Variants in SVEP1 observed in about 807,000 individuals in gnomAD.
SVEP1 encodes the protein sushi, von Willebrand factor type A, EGF and pentraxin domain-containing protein 1.
In SVEP1, 164 loss-of-function variants were observed where a neutral mutation model predicts 367.3. The ratio of observed to expected loss-of-function variants is 0.45; its 90% CI spans 0.39 to 0.51. SVEP1 has a LOEUF of 0.51. Among genes scored for constraint, SVEP1 ranks in the 20% least tolerant of loss-of-function variants. The pLI, the probability that SVEP1 is intolerant of heterozygous loss-of-function variation, is 0.00. For synonymous variants in SVEP1, 1,666 were observed against 1,611.6 expected, an observed-to-expected ratio of 1.03 and a Z score of -0.81; for missense variants, 4,117 against 4,425.3, an observed-to-expected ratio of 0.93 and a Z score of 1.98.
chr9:110,500,158 C>T (rs571930733), intron 6 of SVEP1, among the ~76,000 whole-genome samples: 2 of 151,026 alleles, frequency 1.3e-5, no homozygotes, highest in South Asian at 4.2e-4. Context: ...AATTTCTTTC[C>T]AAACTGTGCC....
intron 36 of SVEP1, among the ~76,000 whole-genome samples, chr9:110,413,470 A>C (rs1828074912): frequency 6.6e-6 from 1 of 151,286 alleles, no homozygotes; most frequent in African/African-American, 2.4e-5. Context: ...GCAGTGCACC[A>C]GCATGGCACA....
At chr9:110,577,742 A>AG (rs1365852572) in intron 1 of SVEP1, among the ~76,000 whole-genome samples, 1 of 152,092 alleles carries the variant, frequency 6.6e-6, no homozygotes, top group African/African-American at 2.4e-5. Flanking sequence ...CAAATCATTA[A>AG]GAAAAAAAAA....
At position 110,369,963 on chromosome 9, in the gene SVEP1, A is replaced by T. The variant is rs757217328; in HGVS notation, c.10654T>A (p.Cys3552Ser). Residue 3552 changes from cysteine to serine, a missense_variant, in exon 47 of 48, where the codon TGT (cysteine) becomes AGT (serine). Physicochemically the swap from Cys to Ser is moderately radical, Grantham distance 112. This residue lies in a region of SVEP1 where 1,765 missense variants were observed against 1,781.1 expected (regional missense o/e 0.99). Transcript: ENST00000374469. ...CCCGTCCAAGAAGAAAGACAGTGAC[A>T]TCGGTTTGGTCTTACACATTTTCCA... ...NGGKCVRPNR[C>S]HCLSSWTGHN... is the part of the protein sequence containing the mutation. 18 of 1,613,428 alleles carry T rather than the reference A, an allele frequency of 1.1e-5. No individual in the cohort carries two copies. The highest frequency in any genetic ancestry group is 1.4e-5 in the Non-Finnish European group (17 of 1,179,596).
Position 110,446,979 on chromosome 9 carries a change from A to G in SVEP1, c.4182T>C (p.Asn1394=), listed in dbSNP as rs777170300. 6.5e-7 allele frequency: 1 copy of G among 1,547,318 alleles called. No individual in the cohort carries two copies. The highest frequency in any genetic ancestry group is 8.7e-7 in the Non-Finnish European group (1 of 1,145,490). ...INECQSNPCR[N]QATCVDELNS... Reference sequence around the variant, plus strand: ...TTAATTCATCCACACAGGTGGCCTGATTTCTACATGGATTAGACTGACATT... The same window carrying G: ...TTAATTCATCCACACAGGTGGCCTGGTTTCTACATGGATTAGACTGACATT... The change falls in exon 25 of 48, where the codon AAT becomes AAC. Residue 1394 remains asparagine (N), a synonymous_variant. Coordinates refer to ENST00000374469, the MANE Select transcript of SVEP1 (RefSeq NM_153366.4).
At chr9:110,540,878 T>C (rs1830135889) in intron 3 of SVEP1, among the ~76,000 whole-genome samples, 2 of 152,204 alleles carry the variant, frequency 1.3e-5, no homozygotes, top group African/African-American at 4.8e-5. Flanking sequence ...GTGGCGTTCA[T>C]TTCAAGGGAA....
Position 110,411,471 on chromosome 9 carries a change from A to G in SVEP1, c.6240T>C (p.Ala2080=). The G allele has an allele frequency of 1.2e-6, 2 of 1,614,010 alleles. No individual in the cohort carries two copies. The highest frequency in any genetic ancestry group is 1.1e-5 in the South Asian group (1 of 91,082). ...CCGATGGAGGTTTTTCACAGAAATG[A>G]GCTATACAACGGGGCATGTCTTGAC... ...PEGQDMPRCI[A]HFCEKPPSVS... Residue 2080 remains alanine, a synonymous_variant, in exon 37 of 48, where the codon GCT becomes GCC. Transcript: ENST00000374469.
At chr9:110,562,850 C>T (rs183953703) in intron 1 of SVEP1, among the ~76,000 whole-genome samples, 3 of 152,152 alleles carry the variant, frequency 2.0e-5, no homozygotes, top group African/African-American at 4.8e-5. Flanking sequence ...CCACCGCACC[C>T]GGCCAATTTT....
In SVEP1 at chr9:110,406,779, T is replaced by C; in HGVS notation, c.8821A>G (p.Ile2941Val). ...CQSDGNWDAE[I>V]PLCKPVNCGP... ...CAGTTGACTGGTTTACAGAGAGGAA[T>C]CTCTGCATCCCAGTTGCCATCTGAC... is the stretch of plus-strand genomic sequence containing the variant. Residue 2941 changes from isoleucine to valine, a missense_variant, in exon 38 of 48, where the codon ATT (isoleucine) becomes GTT (valine). Around this residue, in one of 4 missense-constraint regions of SVEP1, gnomAD observed 1,765 missense variants for 1,781.1 expected, o/e 0.99. Coordinates refer to ENST00000374469, the MANE Select transcript of SVEP1 (RefSeq NM_153366.4). The C allele has an allele frequency of 1.9e-6, 3 of 1,613,988 alleles. No individual in the cohort carries two copies. The highest frequency in any genetic ancestry group is 2.5e-6 in the Non-Finnish European group (3 of 1,179,874).
Position 110,429,927 on chromosome 9 carries a change from T to A in SVEP1, c.5608A>T (p.Thr1870Ser). ...TTAATCTTAGATACTTACCTATATG[T>A]CACTTTGCTGCCAAAAGTAAATGCT... ...ELAFTFGSKV[T>S]YRCNKGYTLA... Residue 1870 changes from threonine (T) to serine (S), a missense_variant, in exon 34 of 48, where the codon ACA (threonine) becomes TCA (serine). By Grantham distance (58) the Thr-to-Ser change is moderately conservative. Coordinates refer to ENST00000374469, the MANE Select transcript of SVEP1 (RefSeq NM_153366.4). 1 of 1,612,730 alleles carries A rather than the reference T, an allele frequency of 6.2e-7. No individual in the cohort carries two copies.
intron 1 of SVEP1, among the ~76,000 whole-genome samples, chr9:110,554,645 T>C (rs1830333413): frequency 1.3e-5 from 2 of 152,116 alleles, no homozygotes; most frequent in Non-Finnish European, 2.9e-5. Context: ...ATAAAGGTCA[T>C]TTTGAGTATC....
rs189377539 is a variant in SVEP1, at chr9:110,501,510, G to A, written c.1483+1528C>T. Among the ~76,000 whole-genome samples the A allele has an allele frequency of 9.8e-4, 148 of 151,562 alleles. No homozygotes were observed. The Middle Eastern group carries it at 0.014, about 14-fold the overall frequency. On this transcript the variant is annotated intron_variant, in intron 6 of 47. Coordinates refer to ENST00000374469, the MANE Select transcript of SVEP1 (RefSeq NM_153366.4). The stretch of plus-strand genomic sequence containing the variant: ...GTAGATTCATTCTATTTTGTTGTGG[G>A]GGGGGCAGGCTTGTAGTCTACAAAT...
In SVEP1 at chr9:110,417,156, C is replaced by G. The variant is rs955300104; in HGVS notation, c.5976-5421G>C. The stretch of plus-strand genomic sequence containing the variant: ...AACAGCTCCGGTCTACAGCTCCCAG[C>G]GTGAGCGACGCAGAAGACGGGTGAT... On this transcript the variant is annotated intron_variant, in intron 36 of 47. Transcript: ENST00000374469. Among the ~76,000 whole-genome samples, 15 of 151,566 alleles carry G rather than the reference C, an allele frequency of 9.9e-5. 1 individual carries two copies. Among genetic ancestry groups the G allele is most frequent in the African/African-American group, 3.7e-4 (15 of 41,036 alleles).
chr9:110,472,719 G>T (rs757560777), intron 14 of SVEP1, among the ~76,000 whole-genome samples: 15 of 151,914 alleles, frequency 9.9e-5, no homozygotes, highest in Non-Finnish European at 2.1e-4. Context: ...TTTTAAAATT[G>T]ACCTTAAAAC....
Position 110,424,462 on chromosome 9 carries a change from G to A in SVEP1, c.5975+3129C>T, listed in dbSNP as rs556345069. Among the ~76,000 whole-genome samples the A allele has an allele frequency of 7.2e-5, 11 of 152,192 alleles. No individual in the cohort carries two copies. In the East Asian group the frequency reaches 2.1e-3, roughly 29 times the overall value. On this transcript the variant is annotated intron_variant, in intron 36 of 47. Coordinates refer to ENST00000374469, the MANE Select transcript of SVEP1 (RefSeq NM_153366.4). ...ATTAATAGGATATTTGTTTATGGGG[G>A]AATATGTATTTAATAAAGACAAATA...
At position 110,401,024 on chromosome 9, in the gene SVEP1, A is replaced by G; in HGVS notation, c.9667-15T>C. Reference sequence around the variant, plus strand: ...GTTCCATCAAGCTAAGTGACAAATAACAAAATGTAAGTTATGTTTAGAAGT... The same window carrying G: ...GTTCCATCAAGCTAAGTGACAAATAGCAAAATGTAAGTTATGTTTAGAAGT... On this transcript the variant is annotated splice_polypyrimidine_tract_variant and intron_variant, in intron 39 of 47. Coordinates refer to ENST00000374469, the MANE Select transcript of SVEP1 (RefSeq NM_153366.4). The G allele has an allele frequency of 6.2e-7, 1 of 1,612,468 alleles. No individual in the cohort carries two copies. The highest frequency in any genetic ancestry group is 8.5e-7 in the Non-Finnish European group (1 of 1,179,528).
At chr9:110,576,735 T>TA (rs1304160021) in intron 1 of SVEP1, among the ~76,000 whole-genome samples, 3 of 152,116 alleles carry the variant, frequency 2.0e-5, no homozygotes, top group Non-Finnish European at 4.4e-5. Flanking sequence ...AGAATATATT[T>TA]AGATGTAAAC....
At chr9:110,404,861 TA>T (rs1827932139) in intron 38 of SVEP1, among the ~76,000 whole-genome samples, 1 of 151,828 alleles carries the variant, frequency 6.6e-6, no homozygotes, top group Non-Finnish European at 1.5e-5. Context: ...TTCATCTCTA[TA>T]AAAAATAAAC....
intron 40 of SVEP1, among the ~76,000 whole-genome samples, chr9:110,399,287 T>C (rs1006715401): frequency 8.1e-5 from 12 of 147,500 alleles, no homozygotes; most frequent in African/African-American, 2.3e-4. Context: ...TAGGTGAGAA[T>C]TGAACAATGA....
intron 1 of SVEP1, among the ~76,000 whole-genome samples, chr9:110,551,846 A>G (rs2118854462): frequency 6.6e-6 from 1 of 151,536 alleles, no homozygotes; most frequent in African/African-American, 2.4e-5. Flanking sequence ...GAGACCCTGA[A>G]CTCTCCACAC....
Sources: gnomAD v4.1 joint callset for allele counts (sites outside exome capture counted in the v4.1 genomes callset) on GRCh38, gnomAD v4.1.1 for gene constraint, gnomAD v4.1.1 regional missense constraint, MANE v1.5 for transcripts, NCBI Gene and HGNC (gene_info 2026-07-23, HGNC 2026-07-21) for gene names.